The following CHD8 variants were observed in gnomAD, a reference collection of about 807,000 sequenced individuals.
The protein encoded by CHD8 is chromodomain helicase DNA binding protein 8.
Under a neutral mutation model 279.2 loss-of-function variants are expected in CHD8, and 31 were observed. That is an observed-to-expected ratio of 0.11 (90% CI 0.08 to 0.15). CHD8 has a LOEUF of 0.15. CHD8 is among the 10% of genes least tolerant of loss of function. The pLI is 1.00. For synonymous variants in CHD8, 1,081 were observed against 1,139.6 expected (o/e 0.95, Z 1.04); for missense variants, 2,146 against 3,230.5 (o/e 0.66, Z 8.14).
intron 5 of CHD8, among the ~76,000 whole-genome samples, chr14:21,424,672 C>T (rs1889225943): frequency 2.0e-5 from 3 of 152,080 alleles, no homozygotes; most frequent in South Asian, 4.1e-4. Context: ...GGGGTTTCAC[C>T]GTGTTAGCCA....
At chr14:21,409,015 A>T (rs575326623) in intron 11 of CHD8, among the ~76,000 whole-genome samples, 190 bp from the exon 12 acceptor site, 3 of 152,348 alleles carry the variant, frequency 2.0e-5, no homozygotes, top group Non-Finnish European at 2.9e-5. Flanking sequence ...GGCTGACAAC[A>T]TCACAAAACA....
chr14:21,412,270 C>T (rs570366619), intron 10 of CHD8, among the ~76,000 whole-genome samples: 2 of 151,940 alleles, frequency 1.3e-5, no homozygotes, highest in South Asian at 2.1e-4. Context: ...CTCAGCCTCC[C>T]GAGTAGCTGG....
At chr14:21,392,470 C>A (rs759593522) in intron 34 of CHD8, 37 bp downstream of exon 34, 26 of 1,584,098 alleles carry the variant, frequency 1.6e-5, no homozygotes, top group Non-Finnish European at 2.2e-5. Context: ...ATTCCAGCCT[C>A]CTTCCCCACT....
chr14:21,436,777 T>A (rs902288424), intron 1 of CHD8: 37 of 367,640 alleles, frequency 1.0e-4, no homozygotes, highest in African/African-American at 8.3e-4. Context: ...TTTCAGGGGG[T>A]AAAGAAGAAA....
intron 1 of CHD8, 131 bp from the exon 2 acceptor site, chr14:21,431,989 G>A (rs757346703): frequency 2.8e-5 from 18 of 638,998 alleles, no homozygotes; most frequent in Non-Finnish European, 4.5e-5. Flanking sequence ...GGAAATCTGA[G>A]GACGGACATA....
Position 21,405,291 on chromosome 14 carries a change from C to A in CHD8, c.3225G>T (p.Gly1075=). ...LEKNFSFLSK[G]AGHTNMPNLL... ...GATTAGGCATGTTGGTATGACCTGC[C>A]CCTTTGGAAAGGAAGGAGAAATTCT... Residue 1075 remains glycine, a synonymous_variant, in exon 16 of 38, where the codon GGG becomes GGT. Coordinates refer to ENST00000646647, the MANE Select transcript of CHD8 (RefSeq NM_001170629.2). This position sits in a 1 kb window ranked among gnomAD's most constrained non-coding sequence, Gnocchi z 4.2. The A allele has an allele frequency of 6.2e-7, 1 of 1,612,692 alleles. No individual in the cohort carries two copies. Among genetic ancestry groups the A allele is most frequent in the South Asian group, 1.1e-5 (1 of 90,756 alleles).
At chr14:21,439,133 GA>G (rs372737115) in intron 1 of CHD8, among the ~76,000 whole-genome samples, 5 of 149,464 alleles carry the variant, frequency 3.3e-5, no homozygotes, top group African/African-American at 1.2e-4. Context: ...TCTCAAAAAA[GA>G]AAAAAAAAGG....
intron 28 of CHD8, 82 bp from the exon 29 acceptor site, chr14:21,395,434 T>C (rs1566415742): frequency 3.2e-6 from 3 of 928,020 alleles, no homozygotes; most frequent in South Asian, 1.4e-5. Context: ...CTTTCTTGTG[T>C]GTGTCCTTCT....
Position 21,394,908 on chromosome 14 carries a change from T to C in CHD8, c.5390+4A>G, listed in dbSNP as rs933316608. 6.2e-7 allele frequency: 1 copy of C among 1,613,378 alleles called. No homozygotes were observed. Among genetic ancestry groups the C allele is most frequent in the Non-Finnish European group, 8.5e-7 (1 of 1,179,472 alleles). On this transcript the variant is annotated splice_donor_region_variant and intron_variant, in intron 30 of 37. Transcript: ENST00000646647. ...ATCAGCACAAGTTCCCAGCTATATT[T>C]TACCGTTGTTGTTTCTCCCGCCGTG...
intron 5 of CHD8, among the ~76,000 whole-genome samples, chr14:21,417,750 A>T (rs1412692831): frequency 1.3e-5 from 2 of 151,056 alleles, no homozygotes; most frequent in East Asian, 3.9e-4. Context: ...GCTACTCGGG[A>T]GGCTGAGGCA....
chr14:21,392,118 T>A (rs1256672484), intron 34 of CHD8, 172 bp from the exon 35 acceptor site: 1 of 762,868 alleles, frequency 1.3e-6, no homozygotes, highest in Admixed American at 1.7e-5. Context: ...TACACACTTT[T>A]TCCTTAGAAA....
intron 1 of CHD8, among the ~76,000 whole-genome samples, chr14:21,453,285 G>A (rs1055197398): frequency 2.6e-5 from 4 of 151,908 alleles, no homozygotes; most frequent in African/African-American, 7.3e-5. Flanking sequence ...GTGAAACCCC[G>A]TCTCTACTAA....
chr14:21,440,992 C>G (rs1449057227), intron 1 of CHD8, among the ~76,000 whole-genome samples: 4 of 152,098 alleles, frequency 2.6e-5, no homozygotes, highest in Non-Finnish European at 5.9e-5. Flanking sequence ...AAAGCTGGAT[C>G]TTATCTCCCC....
chr14:21,452,841 G>A (rs760201884), intron 1 of CHD8, among the ~76,000 whole-genome samples: 3 of 150,048 alleles, frequency 2.0e-5, no homozygotes, highest in Non-Finnish European at 3.0e-5. Flanking sequence ...AAAATTAGCC[G>A]GGCATGGTGG....
chr14:21,439,555 T>C (rs1347099730), intron 1 of CHD8, among the ~76,000 whole-genome samples: 1 of 152,222 alleles, frequency 6.6e-6, no homozygotes, highest in African/African-American at 2.4e-5. Context: ...AGGATTCATA[T>C]ATCTGACTCC....
Position 21,391,959 on chromosome 14 carries a change from C to T in CHD8, c.6772-13G>A. ...TCAATCCTTCCTCCTAGGAAGACAA[C>T]CCACCCACCCAAGACATCATATGGT... On this transcript the variant is annotated splice_polypyrimidine_tract_variant and intron_variant, in intron 34 of 37. Transcript: ENST00000646647. 5 of 1,557,912 alleles carry T rather than the reference C, an allele frequency of 3.2e-6. No homozygotes were observed. The highest frequency in any genetic ancestry group is 4.4e-6 in the Non-Finnish European group (5 of 1,128,956).
rs1889558250 is a variant in CHD8 at position 21,431,384 on chromosome 14, G to A, written c.260C>T (p.Pro87Leu). The A allele has an allele frequency of 2.0e-6, 3 of 1,537,152 alleles. No homozygotes were observed. The highest frequency in any genetic ancestry group is 1.4e-5 in the African/African-American group (1 of 73,040). ...ATAATCATGCAAGGTTATGGATTCT[G>A]GAGCTGGAGCTGTGGATTCTTTGGA... ...ELSKESTAPA[P>L]ESITLHDYTT... Residue 87 changes from proline to leucine, a missense_variant, in exon 2 of 38, where the codon CCA becomes CTA. This residue lies in a region of CHD8 where 302 missense variants were observed against 325.5 expected (regional missense o/e 0.93). Coordinates refer to ENST00000646647, the MANE Select transcript of CHD8 (RefSeq NM_001170629.2).
intron 1 of CHD8, among the ~76,000 whole-genome samples, chr14:21,449,536 A>G (rs915593402): frequency 1.3e-5 from 2 of 152,252 alleles, no homozygotes; most frequent in African/African-American, 2.4e-5. Context: ...TTTCACAATT[A>G]GAATGGCAGG....
Position 21,431,027 on chromosome 14 carries a change from A to G in CHD8, c.617T>C (p.Leu206Pro). 1.3e-6 allele frequency: 2 copies of G among 1,599,482 alleles called. No homozygotes were observed. The highest frequency in any genetic ancestry group is 1.3e-5 in the African/African-American group (1 of 75,076). ...ACCTGGTCGAAGGGGTGTGCCGGTT[A>G]GCACTTTGGTAAAAGTGACTTTTCC... ...NGGKVTFTKV[L>P]TGTPLRPGVS... The change falls in exon 2 of 38, where the codon CTA becomes CCA. Residue 206 changes from leucine to proline, a missense_variant. This residue lies in a region of CHD8 where 302 missense variants were observed against 325.5 expected (regional missense o/e 0.93). Coordinates refer to ENST00000646647, the MANE Select transcript of CHD8 (RefSeq NM_001170629.2).
Sources: gnomAD v4.1 joint callset for allele counts (sites outside exome capture counted in the v4.1 genomes callset) on GRCh38, gnomAD v4.1.1 for gene constraint, gnomAD v4.1.1 regional missense constraint, Gnocchi (gnomAD v3.1) non-coding constraint, MANE v1.5 for transcripts, NCBI Gene and HGNC (gene_info 2026-07-23, HGNC 2026-07-21) for gene names.